VPS53: variants seen among roughly 807,000 people sequenced by gnomAD.
VPS53 encodes VPS53 subunit of GARP complex.
Under a neutral mutation model 107.0 loss-of-function variants are expected in VPS53, and 70 were observed. The ratio of observed to expected loss-of-function variants is 0.65; its 90% CI spans 0.54 to 0.80. The LOEUF (loss-of-function observed/expected upper bound fraction) is 0.80, where lower values mean the gene tolerates loss of function less well. Among genes scored for constraint, VPS53 ranks in the 30% least tolerant of loss-of-function variants. The pLI is 0.00. For missense variants in VPS53, 917 were observed against 1,049.4 expected (o/e 0.87, Z 1.74); for synonymous variants, 409 against 393.3 (o/e 1.04, Z -0.47).
At chr17:673,148 C>T (rs957956217) in intron 4 of VPS53, among the ~76,000 whole-genome samples, 2 of 150,828 alleles carry the variant, frequency 1.3e-5, no homozygotes, top group African/African-American at 2.4e-5. Flanking sequence ...AAAAAAACAA[C>T]GGCAGCATCA....
chr17:521,894 T>C (rs1908789494), intron 19 of VPS53, among the ~76,000 whole-genome samples, 156 bp from the exon 20 acceptor site: 2 of 152,176 alleles, frequency 1.3e-5, no homozygotes, highest in Admixed American at 1.3e-4. Context: ...AAAAAAATTA[T>C]GTATAATTCC....
At chr17:629,823 AC>A (rs1452641303) in intron 8 of VPS53, among the ~76,000 whole-genome samples, 4 of 134,200 alleles carry the variant, frequency 3.0e-5, no homozygotes, top group African/African-American at 1.0e-4. Context: ...ACACACACAC[AC>A]ACACACACAC....
chr17:549,617 G>A (rs1402759027), intron 17 of VPS53, among the ~76,000 whole-genome samples: 1 of 152,104 alleles, frequency 6.6e-6, no homozygotes, highest in East Asian at 1.9e-4. Context: ...TTTGGTGAAT[G>A]TGAAAATTCT....
At chr17:530,053 A>T (rs1301278730) in intron 19 of VPS53, among the ~76,000 whole-genome samples, 1 of 151,956 alleles carries the variant, frequency 6.6e-6, no homozygotes, top group East Asian at 1.9e-4. Flanking sequence ...TCACTCAAAA[A>T]TGTTCATTTT....
intron 2 of VPS53, among the ~76,000 whole-genome samples, chr17:701,704 A>G (rs936672524): frequency 5.9e-5 from 9 of 151,876 alleles, no homozygotes; most frequent in Admixed American, 3.9e-4. Flanking sequence ...ATATCATTTT[A>G]TGATAGCAAG....
At chr17:650,190 G>C (rs1432932780) in intron 7 of VPS53, among the ~76,000 whole-genome samples, 1 of 152,156 alleles carries the variant, frequency 6.6e-6, no homozygotes, top group Non-Finnish European at 1.5e-5. Context: ...ACTCATGAGT[G>C]TTTAGAGGAA....
chr17:658,108 G>A (rs1316607166), intron 5 of VPS53, among the ~76,000 whole-genome samples: 3 of 121,746 alleles, frequency 2.5e-5, no homozygotes, highest in African/African-American at 6.3e-5. Flanking sequence ...CCGTGAGTTC[G>A]TGGATAGATA....
chr17:672,109 GACACACACACACACAC>G (rs10630363), intron 4 of VPS53, among the ~76,000 whole-genome samples: 24 of 108,890 alleles, frequency 2.2e-4, no homozygotes, highest in South Asian at 4.0e-4. Flanking sequence ...TGATGAGGGT[GACACACACACACACAC>G]ACACACACAC....
chr17:676,173 G>A (rs570961159), intron 4 of VPS53: 1 of 152,270 alleles, frequency 6.6e-6, no homozygotes, highest in South Asian at 2.1e-4. Context: ...TGAAAATGGA[G>A]ACTTACACAT....
chr17:564,364 G>A (rs189007651), intron 13 of VPS53, among the ~76,000 whole-genome samples: 134 of 151,036 alleles, frequency 8.9e-4, no homozygotes, highest in African/African-American at 2.6e-3. Context: ...TTGAAACCCC[G>A]TCTCTACTAA....
chr17:615,427 T>A (rs1207082695), intron 11 of VPS53, among the ~76,000 whole-genome samples: 1 of 152,064 alleles, frequency 6.6e-6, no homozygotes, highest in Non-Finnish European at 1.5e-5. Context: ...CTGGCCACAC[T>A]CTCAAGCTCA....
At chr17:627,051 T>A in intron 10 of VPS53, 123 bp downstream of exon 10, 3 of 1,291,004 alleles carry the variant, frequency 2.3e-6, no homozygotes, top group Non-Finnish European at 3.2e-6. Context: ...AGGATGATAT[T>A]AGTCATCTGG....
chr17:669,312 C>T (rs146693856), intron 4 of VPS53, among the ~76,000 whole-genome samples: 100 of 151,850 alleles, frequency 6.6e-4, no homozygotes, highest in East Asian at 1.7e-3. Context: ...CGTGGTTGGC[C>T]GGGGGGGCAG....
intron 16 of VPS53, among the ~76,000 whole-genome samples, 162 bp from the exon 17 acceptor site, chr17:552,112 C>T (rs1240843327): frequency 6.6e-6 from 1 of 152,150 alleles, no homozygotes; most frequent in African/African-American, 2.4e-5. Context: ...TCTTCATGTC[C>T]TGGTTTTATC....
rs771439682 is a variant in VPS53 at position 519,207 on chromosome 17, A to G, written c.2420T>C (p.Leu807Pro). Residue 807 changes from leucine to proline, a missense_variant, in exon 22 of 22, where the codon CTG becomes CCG. Transcript: ENST00000437048. The surrounding 1 kb of genome is among the most constrained non-coding windows in gnomAD (Gnocchi z 5.0). Reference sequence around the variant, plus strand: ...CTCTGGTGTTGGCGCCGTCAGGGACAGTGAGCCGGAGCTTTCTGCCCCCGA... The same window carrying G: ...CTCTGGTGTTGGCGCCGTCAGGGACGGTGAGCCGGAGCTTTCTGCCCCCGA... ...PPSGAESSGS[L>P]SLTAPTPEQE... The G allele has an allele frequency of 5.2e-6, 8 of 1,549,322 alleles. No homozygotes were observed. The highest frequency in any genetic ancestry group is 1.2e-5 in the South Asian group (1 of 83,818).
In VPS53 at chr17:544,035, G is replaced by GAAGAAGGA. The variant is rs1335082522; in HGVS notation, c.1867-6860_1867-6859insTCCTTCTT. 2.1e-3 allele frequency among the ~76,000 whole-genome samples: 213 copies of GAAGAAGGA among 101,132 alleles called. 2 individuals are homozygous for GAAGAAGGA. The East Asian group carries it at 0.065, about 31-fold the overall frequency. 66.3% of individuals were successfully genotyped at this position (101,132 alleles called of 152,430 possible). On this transcript the variant is annotated intron_variant, in intron 17 of 21. Coordinates refer to ENST00000437048, the MANE Select transcript of VPS53 (RefSeq NM_001128159.3). ...GGAGTGAGGAAGGCAGGGAGGGAGG[G>GAAGAAGGA]AGGGAGGAAGGGAGGAAGGAAGGAA...
At chr17:522,957 C>T (rs547536883) in intron 19 of VPS53, 2 of 152,074 alleles carry the variant, frequency 1.3e-5, no homozygotes, top group Non-Finnish European at 1.5e-5. Context: ...CGGGGTTAGA[C>T]AAAAGTTGGA....
intron 7 of VPS53, among the ~76,000 whole-genome samples, chr17:643,179 AAAGCGAGGACAACACTCATACTTGGC>A (rs1970513189): frequency 1.3e-5 from 1 of 74,214 alleles, no homozygotes; most frequent in African/African-American, 4.8e-5. Flanking sequence ...TCATACTTGG[AAAGCGAGGACAACACTCATACTTGGC>A]AACTGAGGAC....
intron 4 of VPS53, among the ~76,000 whole-genome samples, chr17:689,370 C>T (rs1972698468): frequency 6.6e-6 from 1 of 151,862 alleles, no homozygotes; most frequent in African/African-American, 2.4e-5. Flanking sequence ...CCATCATAGA[C>T]TGCTGTAACC....
Sources: gnomAD v4.1 joint callset for allele counts (sites outside exome capture counted in the v4.1 genomes callset) on GRCh38, gnomAD v4.1.1 for gene constraint, Gnocchi (gnomAD v3.1) non-coding constraint, MANE v1.5 for transcripts, NCBI Gene and HGNC (gene_info 2026-07-23, HGNC 2026-07-21) for gene names.